CCDC6: variants seen among roughly 807,000 people sequenced by gnomAD.
CCDC6 encodes coiled-coil domain-containing protein 6.
A neutral mutation model predicts 56.6 loss-of-function variants in CCDC6; 20 were observed. The ratio of observed to expected loss-of-function variants is 0.35; its 90% confidence interval spans 0.25 to 0.51. CCDC6 has a LOEUF of 0.51. CCDC6 is among the 20% of genes least tolerant of loss of function. The pLI, the probability that CCDC6 is intolerant of heterozygous loss-of-function variation, is 0.95. For synonymous variants in CCDC6, 241 were observed against 234.4 expected (o/e 1.03, Z -0.26); for missense variants, 367 against 601.1 (o/e 0.61, Z 4.07).
chr10:59,846,704 A>G (rs7070154), intron 2 of CCDC6, among the ~76,000 whole-genome samples: 3,301 of 152,320 alleles, frequency 0.022, 117 homozygotes, highest in African/African-American at 0.073. Flanking sequence ...ACCGTACTAC[A>G]AATCTATTGA....
At chr10:59,797,990 T>TGGCATGTGAA (rs2070538987) in intron 7 of CCDC6, among the ~76,000 whole-genome samples, 1 of 152,124 alleles carries the variant, frequency 6.6e-6, no homozygotes, top group Admixed American at 6.6e-5. Context: ...CACCTACATG[T>TGGCATGTGAA]GGCATGTGAA....
intron 5 of CCDC6, among the ~76,000 whole-genome samples, chr10:59,810,269 T>C (rs1488419540): frequency 6.6e-6 from 1 of 152,208 alleles, no homozygotes; most frequent in Non-Finnish European, 1.5e-5. Flanking sequence ...ACACATCCTT[T>C]AGGCCCAATC....
chr10:59,833,967 G>A (rs1361176853), intron 2 of CCDC6, among the ~76,000 whole-genome samples: 1 of 152,132 alleles, frequency 6.6e-6, no homozygotes, highest in Non-Finnish European at 1.5e-5. Context: ...CTGTATCACT[G>A]AGCAAAGCCA....
At chr10:59,795,082 CAA>C (rs80016412) in intron 7 of CCDC6, among the ~76,000 whole-genome samples, 11,600 of 143,662 alleles carry the variant, frequency 0.081, 674 homozygotes, top group African/African-American at 0.16. Context: ...ACATAGGCAA[CAA>C]AAAAAAAAAG....
chr10:59,792,037 C>T lies in CCDC6; in HGVS notation c.*880G>A, dbSNP rs1193353051. 4.4e-6 allele frequency: 1 copy of T among 225,262 alleles called. No individual in the cohort carries two copies. Among genetic ancestry groups the T allele is most frequent in the African/African-American group, 2.2e-5 (1 of 44,892 alleles). The allele number at this position is 225,262 out of a possible 1,614,324, so 14.0% of individuals were successfully genotyped here. A position where few individuals can be genotyped will look rare whatever the true frequency, so the allele number is the denominator to read the frequency against. On this transcript the variant is annotated 3_prime_UTR_variant, in exon 9 of 9. Transcript: ENST00000263102. ...GTTCAAACTCTATTTTAAGAGAACA[C>T]AAATGAAGTACGAAAGGGGGAAGCC...
At chr10:59,835,823 C>T (rs1053129726) in intron 2 of CCDC6, among the ~76,000 whole-genome samples, 1 of 152,084 alleles carries the variant, frequency 6.6e-6, no homozygotes, top group South Asian at 2.1e-4. Flanking sequence ...TTTTAGAGGC[C>T]GAAGCAAGAG....
In CCDC6 at chr10:59,794,749, A is replaced by G. The variant is rs183229689; in HGVS notation, c.1106-152T>C. 6.6e-4 allele frequency: 420 copies of G among 640,240 alleles called. 3 individuals are homozygous for G. The African/African-American group carries it at 7.1e-3, about 11-fold the overall frequency. The allele number at this position is 640,240 out of a possible 1,614,324, so 39.7% of individuals were successfully genotyped here. ...ATGGGCTCACTAAATGGTGTGGATA[A>G]CAAGGGAAATAAATGTTAATTCCTA... On this transcript the variant is annotated intron_variant, in intron 7 of 8. Coordinates refer to ENST00000263102, the MANE Select transcript of CCDC6 (RefSeq NM_005436.5).
rs181901823 is a variant in CCDC6, at chr10:59,866,794, G to C, written c.304-14092C>G. ...AACAATACCTTCCTCTGATCCAAAG[G>C]CTGCAGCATCATTCTCCAAAAGTCA... On this transcript the variant is annotated intron_variant, in intron 1 of 8. Transcript: ENST00000263102. Among the ~76,000 whole-genome samples the C allele has an allele frequency of 5.3e-5, 8 of 152,240 alleles. No homozygotes were observed. In the East Asian group the frequency reaches 5.8e-4, roughly 11 times the overall value.
chr10:59,877,177 A>G (rs559032336), intron 1 of CCDC6, among the ~76,000 whole-genome samples: 2 of 152,346 alleles, frequency 1.3e-5, no homozygotes, highest in East Asian at 1.9e-4. Context: ...GATGCAAAAC[A>G]TTTGACAAAA....
rs539849706 is a variant in CCDC6 at position 59,867,016 on chromosome 10, G to C, written c.304-14314C>G. 3.9e-5 allele frequency among the ~76,000 whole-genome samples: 6 copies of C among 152,300 alleles called. No homozygotes were observed. The East Asian group carries it at 1.2e-3, about 29-fold the overall frequency. The stretch of plus-strand genomic sequence containing the variant: ...GCTATCGCTGCCATCACTTCAAGTA[G>C]TAGAATACATATTCCCTGATGGCAT... On this transcript the variant is annotated intron_variant, in intron 1 of 8. Coordinates refer to ENST00000263102, the MANE Select transcript of CCDC6 (RefSeq NM_005436.5).
chr10:59,856,669 G>A (rs181413569), intron 1 of CCDC6, among the ~76,000 whole-genome samples: 1 of 152,248 alleles, frequency 6.6e-6, no homozygotes, highest in African/African-American at 2.4e-5. Flanking sequence ...CATTCACAAG[G>A]CATGAAGGTG....
intron 3 of CCDC6, among the ~76,000 whole-genome samples, chr10:59,825,968 T>C (rs2070784545): frequency 6.6e-6 from 1 of 152,206 alleles, no homozygotes; most frequent in African/African-American, 2.4e-5. Flanking sequence ...CAGCTGTAGA[T>C]GATGAGGGGC....
At chr10:59,860,411 T>A (rs2071118141) in intron 1 of CCDC6, among the ~76,000 whole-genome samples, 1 of 152,106 alleles carries the variant, frequency 6.6e-6, no homozygotes, top group African/African-American at 2.4e-5. Flanking sequence ...TCAGAAGAAC[T>A]GAGAACCATT....
intron 1 of CCDC6, among the ~76,000 whole-genome samples, chr10:59,865,456 G>C (rs909731553): frequency 2.0e-4 from 30 of 152,062 alleles, no homozygotes; most frequent in African/African-American, 7.0e-4. Context: ...AATCTTAAAG[G>C]AAATTAAAAA....
intron 3 of CCDC6, among the ~76,000 whole-genome samples, chr10:59,826,315 C>T (rs2070787427): frequency 6.6e-6 from 1 of 152,176 alleles, no homozygotes. Context: ...CCTGCAAATA[C>T]TTTTTACTAC....
chr10:59,874,858 C>G lies in CCDC6; in HGVS notation c.304-22156G>C, dbSNP rs538590034. 5.9e-5 allele frequency among the ~76,000 whole-genome samples: 9 copies of G among 152,324 alleles called. No individual in the cohort carries two copies. In the East Asian group the frequency reaches 1.5e-3, roughly 26 times the overall value. On this transcript the variant is annotated intron_variant, in intron 1 of 8. Transcript: ENST00000263102. ...GAGAGGCAAGAAAATGGACTCTCCTCTGGGACTTCCAGAAAAACTGCAGCC... is the reference window on the plus strand; with the variant it reads ...GAGAGGCAAGAAAATGGACTCTCCTGTGGGACTTCCAGAAAAACTGCAGCC...
intron 3 of CCDC6, among the ~76,000 whole-genome samples, chr10:59,826,040 C>CT (rs1033477109): frequency 9.9e-5 from 15 of 152,264 alleles, no homozygotes; most frequent in African/African-American, 3.6e-4. Context: ...CATCAAGCCC[C>CT]TTTAAGTCAT....
intron 1 of CCDC6, among the ~76,000 whole-genome samples, chr10:59,887,988 A>G (rs547131348): frequency 6.6e-6 from 1 of 152,304 alleles, no homozygotes; most frequent in East Asian, 1.9e-4. Flanking sequence ...GGAGGTACAC[A>G]CTACCTACTC....
At chr10:59,894,540 A>G (rs1245452039) in intron 1 of CCDC6, among the ~76,000 whole-genome samples, 1 of 149,830 alleles carries the variant, frequency 6.7e-6, no homozygotes, top group Non-Finnish European at 1.5e-5. Context: ...ATACAGGCAC[A>G]CTGCCTGGCA....
Sources: allele counts gnomAD v4.1 joint callset (sites outside exome capture counted in the v4.1 genomes callset), GRCh38; gene constraint gnomAD v4.1.1; transcripts MANE v1.5; gene names NCBI Gene and HGNC (gene_info 2026-07-23, HGNC 2026-07-21).